Variants in TIMP2 observed in about 807,000 individuals in gnomAD.
The protein encoded by TIMP2 is metalloproteinase inhibitor 2.
TIMP2 carries 5 observed loss-of-function variants against 24.3 expected under a neutral mutation model. That is an observed-to-expected ratio of 0.21 (90% CI 0.11 to 0.43). The LOEUF (loss-of-function observed/expected upper bound fraction) is 0.43, where lower values mean the gene tolerates loss of function less well. Ranked by LOEUF, TIMP2 falls within the 20% of genes least tolerant of loss-of-function variation. The probability of loss-of-function intolerance (pLI) is 1.00; values close to 1 mark genes in which losing one functional copy is unlikely to be tolerated. For synonymous variants in TIMP2, 130 were observed against 123.2 expected (o/e 1.06, Z -0.37); for missense variants, 221 against 297.5 (o/e 0.74, Z 1.89).
At chr17:78,882,785 C>T (rs565280877) in intron 1 of TIMP2, among the ~76,000 whole-genome samples, 118 of 152,356 alleles carry the variant, frequency 7.7e-4, no homozygotes, top group African/African-American at 2.8e-3. Context: ...GGGCACGGGG[C>T]AAGGCTGAGC....
At position 78,873,343 on chromosome 17, in the gene TIMP2, A is replaced by ACCCAGGCT. The variant is rs1381566495; in HGVS notation, c.231+468_231+475dup. On this transcript the variant is annotated intron_variant, in intron 2 of 4. Coordinates refer to ENST00000262768, the MANE Select transcript of TIMP2 (RefSeq NM_003255.5). ...TTTTAATACAAGCTCTCACTCTGTC[A>ACCCAGGCT]CCCAGGCTGGAATACAGTGGTGAGA... Among the ~76,000 whole-genome samples the ACCCAGGCT allele has an allele frequency of 3.8e-5, 5 of 130,400 alleles. No homozygotes were observed. The Admixed American group carries it at 4.1e-4, about 11-fold the overall frequency. The allele number at this position is 130,400 out of a possible 152,430, so 85.5% of individuals were successfully genotyped here. A position where few individuals can be genotyped will look rare whatever the true frequency, so the allele number is the denominator to read the frequency against.
chr17:78,884,155 G>A (rs750647790), intron 1 of TIMP2, among the ~76,000 whole-genome samples: 6 of 152,164 alleles, frequency 3.9e-5, no homozygotes, highest in Non-Finnish European at 7.3e-5. Flanking sequence ...AGGGAGCCTG[G>A]AGAGGCACCG....
At position 78,854,937 on chromosome 17, in the gene TIMP2, G is replaced by A. The variant is rs1599142452; in HGVS notation, c.*730C>T. 1 of 133,322 alleles carries A rather than the reference G, an allele frequency of 7.5e-6. No homozygotes were observed. Among genetic ancestry groups the A allele is most frequent in the Non-Finnish European group, 1.7e-5 (1 of 60,326 alleles). The allele number at this position is 133,322 out of a possible 1,614,324, so 8.3% of individuals were successfully genotyped here. A position where few individuals can be genotyped will look rare whatever the true frequency, so the allele number is the denominator to read the frequency against. ...GCATGTGGGCGGGGGGGGGGGGGTG[G>A]GGGGGTGGGTGCAGACCAAAAAGAC... On this transcript the variant is annotated 3_prime_UTR_variant, in exon 5 of 5. Transcript: ENST00000262768.
At chr17:78,907,207 T>G (rs1467701358) in intron 1 of TIMP2, among the ~76,000 whole-genome samples, 2 of 151,072 alleles carry the variant, frequency 1.3e-5, no homozygotes, top group Admixed American at 1.3e-4. Flanking sequence ...CTAAGTTCTT[T>G]AATTTTTTGT....
rs1181798203 is a variant in TIMP2, at chr17:78,924,997, G to C, written c.92C>G (p.Pro31Arg). The C allele has an allele frequency of 7.7e-7, 1 of 1,302,742 alleles. No individual in the cohort carries two copies. The allele number at this position is 1,302,742 out of a possible 1,614,324, so 80.7% of individuals were successfully genotyped here. ...GCAAAACGCCTGTTGCGGGTGCACC[G>C]GGGAGCAGCTGCAGGCGTCGGCCGG... ...LRPADACSCS[P>R]VHPQQAFCNA... Residue 31 changes from proline to arginine, a missense_variant, in exon 1 of 5, where the codon CCG becomes CGG. Transcript: ENST00000262768. The surrounding 1 kb of genome is among the most constrained non-coding windows in gnomAD (Gnocchi z 5.3).
chr17:78,912,678 C>T (rs1309832274), intron 1 of TIMP2, among the ~76,000 whole-genome samples: 2 of 152,202 alleles, frequency 1.3e-5, no homozygotes, highest in Non-Finnish European at 2.9e-5. Context: ...ACAGGCAATC[C>T]GGGGAGAGAG....
At position 78,854,943 on chromosome 17, in the gene TIMP2, T is replaced by TG. The variant is rs1567989551; in HGVS notation, c.*723dup. ...GGGCGGGGGGGGGGGGGTGGGGGGGTGGGTGCAGACCAAAAAGACTCAGCT... is the reference window on the plus strand; with the variant it reads ...GGGCGGGGGGGGGGGGGTGGGGGGGTGGGGTGCAGACCAAAAAGACTCAGCT... On this transcript the variant is annotated 3_prime_UTR_variant, in exon 5 of 5. Coordinates refer to ENST00000262768, the MANE Select transcript of TIMP2 (RefSeq NM_003255.5). 6.4e-4 allele frequency: 17 copies of TG among 26,436 alleles called. No homozygotes were observed. The highest frequency in any genetic ancestry group is 1.1e-3 in the Non-Finnish European group (15 of 14,220). 1.6% of individuals were successfully genotyped at this position (26,436 alleles called of 1,614,324 possible). A position where few individuals can be genotyped will look rare whatever the true frequency, so the allele number is the denominator to read the frequency against.
At chr17:78,892,719 A>T (rs1053916327) in intron 1 of TIMP2, among the ~76,000 whole-genome samples, 6 of 152,194 alleles carry the variant, frequency 3.9e-5, no homozygotes, top group Non-Finnish European at 5.9e-5. Context: ...CAATGTCTGG[A>T]AACATTTTCT....
intron 1 of TIMP2, among the ~76,000 whole-genome samples, chr17:78,918,558 C>T (rs2070283341): frequency 6.6e-6 from 1 of 152,204 alleles, no homozygotes; most frequent in Admixed American, 6.5e-5. Flanking sequence ...CGCCTTCCCT[C>T]CTCCCAGCAA....
At chr17:78,886,656 T>A (rs932306799) in intron 1 of TIMP2, among the ~76,000 whole-genome samples, 1 of 152,106 alleles carries the variant, frequency 6.6e-6, no homozygotes, top group Non-Finnish European at 1.5e-5. Flanking sequence ...GTGGAGTGGC[T>A]TTGCAACCCT....
intron 1 of TIMP2, among the ~76,000 whole-genome samples, chr17:78,886,223 T>TA (rs2069824024): frequency 6.6e-6 from 1 of 152,194 alleles, no homozygotes; most frequent in Admixed American, 6.5e-5. Context: ...CGCCTAGTTT[T>TA]AGCTCGTGTG....
intron 1 of TIMP2, among the ~76,000 whole-genome samples, chr17:78,893,235 A>AGGGG (rs1568001043): frequency 2.3e-5 from 2 of 88,054 alleles, no homozygotes; most frequent in African/African-American, 4.6e-5. Context: ...GTGTGTGTGC[A>AGGGG]TGTGTGTGTA....
intron 1 of TIMP2, among the ~76,000 whole-genome samples, chr17:78,878,791 T>C (rs2069752772): frequency 6.6e-6 from 1 of 152,034 alleles, no homozygotes. Flanking sequence ...CATCTCCATC[T>C]CCCCTGGGCT....
At chr17:78,889,973 G>T (rs1306409378) in intron 1 of TIMP2, among the ~76,000 whole-genome samples, 3 of 152,072 alleles carry the variant, frequency 2.0e-5, no homozygotes, top group African/African-American at 7.2e-5. Context: ...CAAAAAATTA[G>T]CCAGGCATGG....
rs1555652946 is a variant in TIMP2, at chr17:78,918,063, CAA to C, written c.130+6894_130+6895del. ...AAAAAAACACGTACGCGTGCACACA[CAA>C]ACACACACACACACACACACACACA... is the stretch of plus-strand genomic sequence containing the variant. On this transcript the variant is annotated intron_variant, in intron 1 of 4. Transcript: ENST00000262768. Among the ~76,000 whole-genome samples, 915 of 119,136 alleles carry C rather than the reference CAA, an allele frequency of 7.7e-3. 8 individuals are homozygous for C. Among genetic ancestry groups the C allele is most frequent in the African/African-American group, 0.03 (721 of 23,674 alleles). The allele number at this position is 119,136 out of a possible 152,430, so 78.2% of individuals were successfully genotyped here.
Position 78,854,060 on chromosome 17 carries a change from A to G in TIMP2, c.*1607T>C, listed in dbSNP as rs1428943937. 1.3e-5 allele frequency: 2 copies of G among 152,218 alleles called. No individual in the cohort carries two copies. The highest frequency in any genetic ancestry group is 2.9e-5 in the Non-Finnish European group (2 of 68,078). 9.4% of individuals were successfully genotyped at this position (152,218 alleles called of 1,614,324 possible). On this transcript the variant is annotated 3_prime_UTR_variant, in exon 5 of 5. Coordinates refer to ENST00000262768, the MANE Select transcript of TIMP2 (RefSeq NM_003255.5). ...CTGTGCTGACCAGGTCCCGGTGGGC[A>G]TGGGGGCTGCATGCCACTTGGGGGT...
intron 3 of TIMP2, among the ~76,000 whole-genome samples, chr17:78,862,268 C>T (rs1236461858): frequency 6.6e-6 from 1 of 152,156 alleles, no homozygotes; most frequent in African/African-American, 2.4e-5. Context: ...TTCACTGTGC[C>T]CTGTGATTTC....
At chr17:78,907,403 CAGAG>C (rs1342433376) in intron 1 of TIMP2, among the ~76,000 whole-genome samples, 1 of 151,714 alleles carries the variant, frequency 6.6e-6, no homozygotes, top group Non-Finnish European at 1.5e-5. Flanking sequence ...GAGGCCTAGG[CAGAG>C]AGAGAGAGAC....
At chr17:78,889,877 T>C (rs1414947283) in intron 1 of TIMP2, among the ~76,000 whole-genome samples, 1 of 152,188 alleles carries the variant, frequency 6.6e-6, no homozygotes, top group Non-Finnish European at 1.5e-5. Context: ...CCCAGCACTT[T>C]GGGAGGCCAA....
Sources: gnomAD v4.1 joint callset for allele counts (sites outside exome capture counted in the v4.1 genomes callset) on GRCh38, gnomAD v4.1.1 for gene constraint, Gnocchi (gnomAD v3.1) non-coding constraint, MANE v1.5 for transcripts, NCBI Gene and HGNC (gene_info 2026-07-23, HGNC 2026-07-21) for gene names.